Variants in PCED1B observed in about 807,000 individuals in gnomAD.
The protein encoded by PCED1B is PC-esterase domain-containing protein 1B.
For synonymous variants in PCED1B, 251 were observed against 246.1 expected (o/e 1.02, Z -0.19); for missense variants, 573 against 573.9 (o/e 1.00, Z 0.02).
intron 2 of PCED1B, among the ~76,000 whole-genome samples, chr12:47,152,392 T>A (rs932830637): frequency 2.6e-5 from 4 of 152,134 alleles, no homozygotes; most frequent in Non-Finnish European, 4.4e-5. Context: ...TTGCCAAAAA[T>A]GGGTAACCTC....
intron 2 of PCED1B, among the ~76,000 whole-genome samples, chr12:47,116,240 G>C (rs1939412988): frequency 6.6e-6 from 1 of 152,102 alleles, no homozygotes. Flanking sequence ...GATGAGCCTT[G>C]ATTACAAAAA....
intron 3 of PCED1B, among the ~76,000 whole-genome samples, chr12:47,233,711 T>C (rs909580823): frequency 2.6e-5 from 4 of 152,168 alleles, no homozygotes; most frequent in African/African-American, 7.2e-5. Context: ...GAAGGAAATA[T>C]ATGCCCTGAT....
Position 47,095,938 on chromosome 12 carries a change from T to A in PCED1B, c.-608-8175T>A, listed in dbSNP as rs375299175. ...TGGTTTTTTTTTACTCTGTCTCAGG[T>A]ACTTTATATTTAGTGTTTACATTCC... On this transcript the variant is annotated intron_variant, in intron 1 of 3. Coordinates refer to ENST00000546455, the MANE Select transcript of PCED1B (RefSeq NM_138371.3). Among the ~76,000 whole-genome samples the A allele has an allele frequency of 3.3e-5, 5 of 152,270 alleles. No individual in the cohort carries two copies. In the East Asian group the frequency reaches 7.7e-4, roughly 23 times the overall value.
Position 47,088,358 on chromosome 12 carries a change from A to G in PCED1B, c.-609+8633A>G, listed in dbSNP as rs147274692. ...CTGTACCAGAGTCCAGCAGGTCCTC[A>G]TTTCACTCAGCTCTGCCTTACTCTC... On this transcript the variant is annotated intron_variant, in intron 1 of 3. Coordinates refer to ENST00000546455, the MANE Select transcript of PCED1B (RefSeq NM_138371.3). Among the ~76,000 whole-genome samples the G allele has an allele frequency of 7.4e-4, 112 of 152,158 alleles. 2 individuals carry two copies. In the East Asian group the frequency reaches 0.02, roughly 28 times the overall value.
chr12:47,119,398 C>G (rs1304671171), intron 2 of PCED1B, among the ~76,000 whole-genome samples: 11 of 151,976 alleles, frequency 7.2e-5, no homozygotes. Context: ...TTCATCAAAA[C>G]TAAAAGCTTT....
chr12:47,232,313 A>T (rs1943832331), intron 3 of PCED1B, among the ~76,000 whole-genome samples: 1 of 152,204 alleles, frequency 6.6e-6, no homozygotes, highest in Non-Finnish European at 1.5e-5. Flanking sequence ...CTGATAGCAA[A>T]AATATTTTAA....
chr12:47,097,454 A>G (rs1938527251), intron 1 of PCED1B, among the ~76,000 whole-genome samples: 1 of 152,216 alleles, frequency 6.6e-6, no homozygotes, highest in African/African-American at 2.4e-5. Flanking sequence ...AAGGGAAGGC[A>G]GGGCTGATAA....
intron 3 of PCED1B, among the ~76,000 whole-genome samples, chr12:47,225,269 T>TAGCATCTC (rs754081984): frequency 2.0e-5 from 3 of 152,158 alleles, no homozygotes; most frequent in Non-Finnish European, 4.4e-5. Context: ...TACCACAGCA[T>TAGCATCTC]AGCATCTCTC....
At chr12:47,217,374 G>A (rs188628498) in intron 3 of PCED1B, among the ~76,000 whole-genome samples, 3 of 148,408 alleles carry the variant, frequency 2.0e-5, no homozygotes, top group African/African-American at 7.6e-5. Flanking sequence ...ATTCCAACTT[G>A]GGCAACAGAG....
intron 2 of PCED1B, among the ~76,000 whole-genome samples, chr12:47,196,097 A>T (rs1254107179): frequency 6.6e-6 from 1 of 152,250 alleles, no homozygotes; most frequent in Non-Finnish European, 1.5e-5. Context: ...ATTACATATA[A>T]CACTATGTTA....
rs375990358 is a variant in PCED1B, at chr12:47,236,371, A to G, written c.*9A>G. The G allele has an allele frequency of 1.5e-5, 23 of 1,551,710 alleles. No homozygotes were observed. Among genetic ancestry groups the G allele is most frequent in the African/African-American group, 6.9e-5 (5 of 72,466 alleles). Reference sequence around the variant, plus strand: ...AGCCAAGGCCTCAATAGACGGACCTAGGCCTTATTTCCTCTTTATGAACAT... The same window carrying G: ...AGCCAAGGCCTCAATAGACGGACCTGGGCCTTATTTCCTCTTTATGAACAT... On this transcript the variant is annotated 3_prime_UTR_variant, in exon 4 of 4. Coordinates refer to ENST00000546455, the MANE Select transcript of PCED1B (RefSeq NM_138371.3).
At chr12:47,215,122 A>G (rs1448680122) in intron 2 of PCED1B, among the ~76,000 whole-genome samples, 1 of 151,498 alleles carries the variant, frequency 6.6e-6, no homozygotes, top group Non-Finnish European at 1.5e-5. Context: ...TTTCTGATTC[A>G]TTATTTCCTT....
Position 47,235,153 on chromosome 12 carries a change from C to G in PCED1B, c.90C>G (p.Tyr30Ter). ...GGGACTCTGTGCATAGGGCAGTATA[C>G]AAGGACCTGGTGCTTCTGCTGCAGA... ...ILGDSVHRAV[Y>*]KDLVLLLQKD... The change falls in exon 4 of 4, where the codon TAC becomes TAG. Residue 30 changes from tyrosine (Y) to a stop codon, truncating the protein, a stop_gained. Coordinates refer to ENST00000546455, the MANE Select transcript of PCED1B (RefSeq NM_138371.3). LOFTEE classifies it low-confidence loss of function (END_TRUNC). 1 of 1,579,044 alleles carries G rather than the reference C, an allele frequency of 6.3e-7. No homozygotes were observed. Among genetic ancestry groups the G allele is most frequent in the Non-Finnish European group, 8.6e-7 (1 of 1,162,012 alleles).
chr12:47,171,603 GA>G (rs1245341988), intron 2 of PCED1B, among the ~76,000 whole-genome samples: 7 of 152,196 alleles, frequency 4.6e-5, no homozygotes, highest in African/African-American at 1.7e-4. Context: ...CCCTAAGATG[GA>G]ATAGGAGGAT....
Position 47,236,009 on chromosome 12 carries a change from C to G in PCED1B, c.946C>G (p.Leu316Val). ...PPQRLPLLPL[L>V]SPQPPPPILH... ...CCAGCGCTTGCCGCTGCTCCCGCTC[C>G]TGTCCCCACAGCCTCCTCCTCCCAT... The change falls in exon 4 of 4, where the codon CTG becomes GTG. Residue 316 changes from leucine (L) to valine (V), a missense_variant. Transcript: ENST00000546455. 6.2e-7 allele frequency: 1 copy of G among 1,613,644 alleles called. No homozygotes were observed. Among genetic ancestry groups the G allele is most frequent in the Non-Finnish European group, 8.5e-7 (1 of 1,179,842 alleles).
chr12:47,186,828 C>A (rs1478151214), intron 2 of PCED1B, among the ~76,000 whole-genome samples: 1 of 152,168 alleles, frequency 6.6e-6, no homozygotes, highest in African/African-American at 2.4e-5. Context: ...GAAATTAACA[C>A]AGCACAAAAT....
At chr12:47,205,261 A>T (rs1045172013) in intron 2 of PCED1B, among the ~76,000 whole-genome samples, 15 of 152,202 alleles carry the variant, frequency 9.9e-5, no homozygotes, top group Non-Finnish European at 4.4e-5. Flanking sequence ...GAGCCAGTTT[A>T]TCGATCTGGG....
rs552200523 is a variant in PCED1B, at chr12:47,152,929, C to T, written c.-526+48734C>T. 2.9e-4 allele frequency among the ~76,000 whole-genome samples: 44 copies of T among 150,526 alleles called. No individual in the cohort carries two copies. In the Middle Eastern group the frequency reaches 0.01, roughly 35 times the overall value. On this transcript the variant is annotated intron_variant, in intron 2 of 3. Transcript: ENST00000546455. Reference sequence around the variant, plus strand: ...CAGCCTGGGCAACAGAGTGAGACTCCGTATCAAAAAAATAAAATAAAATAA... The same window carrying T: ...CAGCCTGGGCAACAGAGTGAGACTCTGTATCAAAAAAATAAAATAAAATAA...
intron 1 of PCED1B, among the ~76,000 whole-genome samples, chr12:47,097,130 CATTTACATTTAT>C (rs1169745449): frequency 6.6e-6 from 1 of 152,214 alleles, no homozygotes; most frequent in Non-Finnish European, 1.5e-5. Context: ...GATTTACCCA[CATTTACATTTAT>C]ATTGGCAGAG....
Sources: gnomAD v4.1 joint callset for allele counts (sites outside exome capture counted in the v4.1 genomes callset) on GRCh38, gnomAD v4.1.1 for gene constraint, MANE v1.5 for transcripts, NCBI Gene and HGNC (gene_info 2026-07-23, HGNC 2026-07-21) for gene names.